AMZ1: variants seen among roughly 807,000 people sequenced by gnomAD.
AMZ1 encodes archaemetzincin-1.
Under a neutral mutation model 29.9 loss-of-function variants are expected in AMZ1, and 39 were observed. The observed-to-expected ratio is 1.30, with a 90% CI of 1.01 to 1.70. The LOEUF is 1.70. Ranked by LOEUF, AMZ1 falls within the 40% of genes most tolerant of loss-of-function variation. The pLI is 0.00. For synonymous variants in AMZ1, 458 were observed against 304.0 expected (o/e 1.51, Z -5.27); for missense variants, 1,041 against 680.6 (o/e 1.53, Z -5.89).
chr7:2,736,094 A>T (rs1790160204), intron 4 of AMZ1, among the ~76,000 whole-genome samples: 1 of 152,232 alleles, frequency 6.6e-6, no homozygotes, highest in South Asian at 2.1e-4. Context: ...GCTCATTAAA[A>T]GGGCCAGGTT....
chr7:2,699,531 G>GCCC (rs547533976), intron 1 of AMZ1, among the ~76,000 whole-genome samples: 5 of 150,220 alleles, frequency 3.3e-5, no homozygotes, highest in Non-Finnish European at 5.9e-5. Flanking sequence ...GCGTACCCCC[G>GCCC]CCCCCCCCCA....
intron 4 of AMZ1, among the ~76,000 whole-genome samples, chr7:2,737,481 G>T (rs1361079148): frequency 1.3e-5 from 2 of 151,864 alleles, no homozygotes; most frequent in African/African-American, 4.8e-5. Context: ...TAGAGACGGG[G>T]TTTCACCAGG....
intron 4 of AMZ1, among the ~76,000 whole-genome samples, chr7:2,756,836 G>C (rs904389558): frequency 3.2e-4 from 49 of 152,332 alleles, no homozygotes; most frequent in African/African-American, 1.0e-3. Flanking sequence ...GGTGGCTCAT[G>C]CCAAGGTGGG....
chr7:2,759,642 G>A (rs964745786), upstream of AMZ1, among the ~76,000 whole-genome samples: 1 of 152,206 alleles, frequency 6.6e-6, no homozygotes. Context: ...AGGTTCAGAG[G>A]TGTTTGTTCA....
chr7:2,695,099 C>G (rs1204907902), intron 1 of AMZ1, among the ~76,000 whole-genome samples: 1 of 152,220 alleles, frequency 6.6e-6, no homozygotes, highest in African/African-American at 2.4e-5. Flanking sequence ...GGTCTGTCCT[C>G]ACGGCTCCTC....
intron 1 of AMZ1, among the ~76,000 whole-genome samples, chr7:2,696,504 G>T (rs183781896): frequency 2.0e-5 from 3 of 150,264 alleles, no homozygotes; most frequent in Non-Finnish European, 4.4e-5. Flanking sequence ...TGATCTGCCC[G>T]CCTGGGCCTC....
downstream of AMZ1, among the ~76,000 whole-genome samples, chr7:2,722,070 G>A (rs993840353): frequency 5.9e-5 from 9 of 152,146 alleles, no homozygotes; most frequent in African/African-American, 2.2e-4. Flanking sequence ...AAAGGCACAG[G>A]CGCTAAAGCC....
chr7:2,744,740 G>A (rs947281894), intron 4 of AMZ1, among the ~76,000 whole-genome samples: 12 of 152,036 alleles, frequency 7.9e-5, no homozygotes, highest in African/African-American at 2.7e-4. Context: ...GAGGAAGTTC[G>A]AACCAATGGC....
intron 1 of AMZ1, among the ~76,000 whole-genome samples, chr7:2,681,331 C>T (rs1786875955): frequency 6.6e-6 from 1 of 152,146 alleles, no homozygotes; most frequent in African/African-American, 2.4e-5. Context: ...TCTGGTGATC[C>T]TCCCACCTCA....
chr7:2,696,066 G>T (rs1026000109), intron 1 of AMZ1, among the ~76,000 whole-genome samples: 1 of 150,656 alleles, frequency 6.6e-6, no homozygotes, highest in Non-Finnish European at 1.5e-5. Flanking sequence ...AACAAAATCT[G>T]TGTGTTCCAA....
At chr7:2,703,203 G>A (rs984283229) in intron 3 of AMZ1, among the ~76,000 whole-genome samples, 10 of 152,260 alleles carry the variant, frequency 6.6e-5, no homozygotes, top group South Asian at 4.1e-4. Context: ...CTGGAGTGCC[G>A]TGGCGCGATC....
Position 2,731,313 on chromosome 7 carries a change from C to T in AMZ1, n.550+21497C>T. ...AGAGTGGCTTGCTGCGGTTCCGTCT[C>T]TTCCTGTCGAAGCACTGGACCAGGT... On this transcript the variant is annotated intron_variant and non_coding_transcript_variant, in intron 4 of 4. Coordinates refer to the AMZ1 transcript ENST00000489665. The surrounding 1 kb of genome is among the most constrained non-coding windows in gnomAD (Gnocchi z 6.0). The T allele has an allele frequency of 1.9e-6, 3 of 1,614,004 alleles. No individual in the cohort carries two copies. The highest frequency in any genetic ancestry group is 1.1e-5 in the South Asian group (1 of 91,054).
At chr7:2,686,547 T>A (rs1421129122), upstream of AMZ1, among the ~76,000 whole-genome samples, 3 of 152,158 alleles carry the variant, frequency 2.0e-5, no homozygotes, top group East Asian at 5.8e-4. Flanking sequence ...AAAAACTTTT[T>A]AAAAATACAT....
At chr7:2,704,212 A>C in intron 3 of AMZ1, among the ~76,000 whole-genome samples, 1 of 152,152 alleles carries the variant, frequency 6.6e-6, no homozygotes, top group East Asian at 1.9e-4. Context: ...TCTTAAACCC[A>C]TATATTGAGG....
chr7:2,692,589 C>T lies in AMZ1; in HGVS notation c.-219+4293C>T, dbSNP rs148087503. Among the ~76,000 whole-genome samples the T allele has an allele frequency of 1.7e-4, 26 of 152,218 alleles. No individual in the cohort carries two copies. The South Asian group carries it at 2.1e-3, about 12-fold the overall frequency. On this transcript the variant is annotated intron_variant, in intron 1 of 6. Transcript: ENST00000683327. ...AGGACCAAGCTCATGCCAGAGCCCT[C>T]GGAGTTGTTGAGGGCATTCCAGCTT... is the stretch of plus-strand genomic sequence containing the variant.
intron 4 of AMZ1, among the ~76,000 whole-genome samples, chr7:2,743,204 G>A (rs1218424891): frequency 6.6e-6 from 1 of 152,162 alleles, no homozygotes; most frequent in African/African-American, 2.4e-5. Flanking sequence ...AAACTGAAAG[G>A]GGTCTCTGCT....
intron 4 of AMZ1, among the ~76,000 whole-genome samples, chr7:2,757,022 C>T (rs761280121): frequency 1.3e-5 from 2 of 151,750 alleles, no homozygotes; most frequent in Non-Finnish European, 2.9e-5. Context: ...TGCAGTGAAC[C>T]GTGATTGTGC....
intron 4 of AMZ1, among the ~76,000 whole-genome samples, chr7:2,757,129 CTTTTT>C (rs71026549): frequency 0.19 from 17,513 of 93,700 alleles, 1,066 homozygotes; most frequent in Non-Finnish European, 0.2. Flanking sequence ...TCAGGTGGGC[CTTTTT>C]TTTTTTTTTT....
In AMZ1 at chr7:2,692,338, A is replaced by G. The variant is rs1473238328; in HGVS notation, c.-219+4042A>G. 3.3e-5 allele frequency among the ~76,000 whole-genome samples: 5 copies of G among 152,134 alleles called. No homozygotes were observed. The East Asian group carries it at 7.7e-4, about 23-fold the overall frequency. ...GGCGGATCATGAGGTCAGGAGATCGAGACCATCCTGGCTAACACGTGAAAC... is the reference window on the plus strand; with the variant it reads ...GGCGGATCATGAGGTCAGGAGATCGGGACCATCCTGGCTAACACGTGAAAC... On this transcript the variant is annotated intron_variant, in intron 1 of 6. Transcript: ENST00000683327.
Sources: allele counts gnomAD v4.1 joint callset (sites outside exome capture counted in the v4.1 genomes callset), GRCh38; gene constraint gnomAD v4.1.1; non-coding constraint Gnocchi (gnomAD v3.1); transcripts MANE v1.5; gene names NCBI Gene and HGNC (gene_info 2026-07-23, HGNC 2026-07-21).